The following DUSP13A variants were observed in gnomAD, a reference collection of about 807,000 sequenced individuals.
DUSP13A encodes dual specificity protein phosphatase 13A.
At chr10:75,107,963 G>T in the DUSP13A span, 1 of 1,589,798 alleles carries the variant, frequency 6.3e-7, no homozygotes, top group East Asian at 2.3e-5. Flanking sequence ...TGAGCAAGAT[G>T]GGATATGGGC....
the DUSP13A span, chr10:75,105,822 CGT>C: frequency 6.4e-7 from 1 of 1,550,784 alleles, no homozygotes; most frequent in Non-Finnish European, 8.7e-7. Flanking sequence ...CCAGGACCAG[CGT>C]GGCAGAGCGG....
the DUSP13A span, chr10:75,108,364 A>G: frequency 1.5e-6 from 2 of 1,370,812 alleles, no homozygotes; most frequent in Non-Finnish European, 1.9e-6. Context: ...CCACAGCCCT[A>G]TACCCAGAGC....
chr10:75,107,063 C>A, the DUSP13A span, among the ~76,000 whole-genome samples: 1 of 152,198 alleles, frequency 6.6e-6, no homozygotes, highest in East Asian at 1.9e-4. Context: ...GGGCCGGGTG[C>A]GGTGGCTCAT....
the DUSP13A span, chr10:75,107,873 G>A: frequency 7.8e-4 from 959 of 1,230,866 alleles, 1 homozygote; most frequent in Non-Finnish European, 1.0e-3. Context: ...CACCACACAC[G>A]GCCTAAGCAG....
At chr10:75,106,860 T>A in the DUSP13A span, among the ~76,000 whole-genome samples, 1 of 152,214 alleles carries the variant, frequency 6.6e-6, no homozygotes, top group Non-Finnish European at 1.5e-5. Context: ...TGAGCTGTAA[T>A]CTTGTCATTC....
chr10:75,107,829 G>A, the DUSP13A span, among the ~76,000 whole-genome samples: 42 of 152,190 alleles, frequency 2.8e-4, no homozygotes, highest in African/African-American at 8.7e-4. Context: ...CACCCACCTC[G>A]GCCTCCCAAA....
chr10:75,105,702 C>T, the DUSP13A span: 54 of 1,551,580 alleles, frequency 3.5e-5, no homozygotes, highest in African/African-American at 4.6e-4. Context: ...GTTGCTGGTC[C>T]AGCCTGCAGA....
At chr10:75,107,015 T>C in the DUSP13A span, among the ~76,000 whole-genome samples, 1 of 152,184 alleles carries the variant, frequency 6.6e-6, no homozygotes, top group Admixed American at 6.5e-5. Context: ...TCCTGAGTAT[T>C]TGAAGATATA....
At chr10:75,105,794 G>A in the DUSP13A span, 1 of 1,551,022 alleles carries the variant, frequency 6.4e-7, no homozygotes, top group East Asian at 2.4e-5. Context: ...GACAGCCGCT[G>A]GTGCAGCATG....
chr10:75,106,101 C>CTTTTT, the DUSP13A span, among the ~76,000 whole-genome samples: 137 of 122,788 alleles, frequency 1.1e-3, no homozygotes, highest in Non-Finnish European at 2.0e-3. Context: ...TCTTTCTTTT[C>CTTTTT]TTTTTTTTTT....
the DUSP13A span, among the ~76,000 whole-genome samples, chr10:75,106,097 TTTTC>T: frequency 0.025 from 2,689 of 109,544 alleles, 28 homozygotes; most frequent in East Asian, 0.095. Context: ...CTTTTCTTTC[TTTTC>T]TTTTTTTTTT....
the DUSP13A span, chr10:75,108,196 T>C: frequency 6.2e-7 from 1 of 1,605,358 alleles, no homozygotes; most frequent in Non-Finnish European, 8.5e-7. Context: ...TCAAAGCGGT[T>C]GTTTGCCGTG....
the DUSP13A span, chr10:75,105,755 G>A: frequency 2.6e-6 from 4 of 1,553,458 alleles, no homozygotes; most frequent in Non-Finnish European, 3.5e-6. Flanking sequence ...CATCGGTGCT[G>A]CCTCACGGTG....
the DUSP13A span, among the ~76,000 whole-genome samples, chr10:75,106,422 G>T: frequency 1.3e-5 from 2 of 152,016 alleles, no homozygotes; most frequent in African/African-American, 4.8e-5. Flanking sequence ...CCCTGGTCTC[G>T]GTCTGACTAA....
the DUSP13A span, chr10:75,105,848 C>T: frequency 6.4e-7 from 1 of 1,550,430 alleles, no homozygotes; most frequent in African/African-American, 1.4e-5. Flanking sequence ...ACGCCCACCA[C>T]ACAGTGCACC....
At chr10:75,107,991 C>T in the DUSP13A span, 10 of 1,610,312 alleles carry the variant, frequency 6.2e-6, no homozygotes, top group Non-Finnish European at 8.5e-6. Context: ...CCAAGTCCTA[C>T]CCCCAGGCGT....
At chr10:75,107,639 T>G in the DUSP13A span, among the ~76,000 whole-genome samples, 9 of 152,192 alleles carry the variant, frequency 5.9e-5, no homozygotes, top group East Asian at 1.7e-3. Context: ...TGAAGTGGCA[T>G]GATCTCGGCT....
the DUSP13A span, chr10:75,108,066 A>T: frequency 5.0e-6 from 8 of 1,613,908 alleles, no homozygotes; most frequent in Non-Finnish European, 6.8e-6. Context: ...AAAATCAGGG[A>T]GGTCGTGGGC....
At chr10:75,108,240 G>A in the DUSP13A span, 5 of 1,566,486 alleles carry the variant, frequency 3.2e-6, no homozygotes, top group South Asian at 1.2e-5. Flanking sequence ...ACTTGATGCC[G>A]GCCAAGCCAT....
Sources: gnomAD v4.1 joint callset for allele counts (sites outside exome capture counted in the v4.1 genomes callset) on GRCh38, gnomAD v4.1.1 for gene constraint, MANE v1.5 for transcripts, NCBI Gene and HGNC (gene_info 2026-07-23, HGNC 2026-07-21) for gene names.